Variants in AGBL1 observed in about 807,000 individuals in gnomAD.
The protein encoded by AGBL1 is cytosolic carboxypeptidase 4.
AGBL1 carries 130 observed loss-of-function variants against 118.9 expected under a neutral mutation model. The ratio of observed to expected loss-of-function variants is 1.09; its 90% CI spans 0.95 to 1.26. The LOEUF (loss-of-function observed/expected upper bound fraction) is 1.26. Ranked by LOEUF, AGBL1 falls within the 50% of genes most tolerant of loss-of-function variation. AGBL1 has a pLI of 0.00. For synonymous variants in AGBL1, 555 were observed against 478.9 expected, an observed-to-expected ratio of 1.16 and a Z score of -2.08; for missense variants, 1,584 against 1,298.1, an observed-to-expected ratio of 1.22 and a Z score of -3.38.
At position 86,488,751 on chromosome 15, in the gene AGBL1, G is replaced by A. The variant is rs866463102; in HGVS notation, c.2556-34059G>A. 2.0e-5 allele frequency among the ~76,000 whole-genome samples: 3 copies of A among 151,672 alleles called. No homozygotes were observed. In the East Asian group the frequency reaches 5.9e-4, roughly 30 times the overall value. ...CTACAACTCATCGCCCCTCTCTACC[G>A]GGCCCTTTCCAATGATGGGGAAATG... On this transcript the variant is annotated intron_variant, in intron 18 of 22. Transcript: ENST00000614907.
At chr15:86,599,327 T>C (rs2084458727) in intron 21 of AGBL1, among the ~76,000 whole-genome samples, 2 of 143,766 alleles carry the variant, frequency 1.4e-5, no homozygotes, top group South Asian at 4.5e-4. Context: ...TAACTGAAGA[T>C]GTTTCCATTT....
intron 21 of AGBL1, among the ~76,000 whole-genome samples, chr15:86,626,166 C>T (rs1432739229): frequency 6.6e-6 from 1 of 152,100 alleles, no homozygotes; most frequent in African/African-American, 2.4e-5. Flanking sequence ...AGTATATACC[C>T]AAAGGAATAT....
intron 24 of AGBL1, among the ~76,000 whole-genome samples, chr15:87,026,742 C>T (rs1423841748): frequency 1.3e-5 from 2 of 152,022 alleles, no homozygotes; most frequent in Non-Finnish European, 2.9e-5. Context: ...AACTCAAATG[C>T]CCATCAATTG....
chr15:86,922,821 C>T (rs979144143), intron 23 of AGBL1, among the ~76,000 whole-genome samples: 3 of 152,008 alleles, frequency 2.0e-5, no homozygotes, highest in African/African-American at 7.3e-5. Flanking sequence ...GAGCAGTTAC[C>T]AATGAGAAGA....
At chr15:86,669,816 T>G (rs1028827285) in intron 21 of AGBL1, among the ~76,000 whole-genome samples, 2 of 152,202 alleles carry the variant, frequency 1.3e-5, no homozygotes, top group African/African-American at 4.8e-5. Flanking sequence ...TGGCAAACTA[T>G]GGCAATAAAG....
intron 22 of AGBL1, among the ~76,000 whole-genome samples, chr15:86,784,594 C>G (rs972581219): frequency 3.3e-5 from 5 of 152,150 alleles, no homozygotes; most frequent in Non-Finnish European, 4.4e-5. Context: ...AACTGCTGTA[C>G]TGGGCTTTGA....
chr15:86,596,596 T>C (rs1337750760), intron 21 of AGBL1, among the ~76,000 whole-genome samples: 1 of 152,126 alleles, frequency 6.6e-6, no homozygotes, highest in Non-Finnish European at 1.5e-5. Context: ...TCTCTCTCTT[T>C]TTTTTTCCCC....
chr15:86,297,236 C>A (rs1018976176), intron 17 of AGBL1, among the ~76,000 whole-genome samples: 1 of 152,070 alleles, frequency 6.6e-6, no homozygotes, highest in African/African-American at 2.4e-5. Flanking sequence ...GCTAACATAT[C>A]CGATGTTCAT....
intron 22 of AGBL1, among the ~76,000 whole-genome samples, chr15:86,723,169 A>T (rs1449234354): frequency 6.6e-6 from 1 of 152,244 alleles, no homozygotes; most frequent in Non-Finnish European, 1.5e-5. Flanking sequence ...TGTCCAAAGG[A>T]TTATAAATCA....
At chr15:86,378,898 T>C (rs2081074192) in intron 17 of AGBL1, among the ~76,000 whole-genome samples, 2 of 144,500 alleles carry the variant, frequency 1.4e-5, no homozygotes, top group Admixed American at 6.9e-5. Flanking sequence ...TTGATCACTT[T>C]AGTTTTTTTT....
chr15:86,901,947 A>G (rs1269709222), intron 22 of AGBL1, among the ~76,000 whole-genome samples: 1 of 152,162 alleles, frequency 6.6e-6, no homozygotes, highest in Admixed American at 6.5e-5. Flanking sequence ...TAATAATAAT[A>G]CATTTATTCT....
intron 21 of AGBL1, among the ~76,000 whole-genome samples, chr15:86,604,120 T>G (rs929343867): frequency 4.6e-5 from 7 of 152,132 alleles, no homozygotes; most frequent in Admixed American, 2.0e-4. Flanking sequence ...TCTAACAAAC[T>G]CATCGGGGCC....
intron 18 of AGBL1, among the ~76,000 whole-genome samples, chr15:86,458,825 T>C (rs2082294153): frequency 1.3e-5 from 2 of 152,152 alleles, no homozygotes; most frequent in South Asian, 2.1e-4. Context: ...AGTTAAGTGC[T>C]ATGAAGAAAA....
chr15:86,313,815 T>A (rs2141828670), intron 17 of AGBL1, among the ~76,000 whole-genome samples: 1 of 152,296 alleles, frequency 6.6e-6, no homozygotes, highest in Admixed American at 6.5e-5. Flanking sequence ...CTGATGGGGT[T>A]TTTAATGAAC....
At chr15:86,841,880 T>A (rs1379533648) in intron 22 of AGBL1, among the ~76,000 whole-genome samples, 1 of 151,964 alleles carries the variant, frequency 6.6e-6, no homozygotes, top group Non-Finnish European at 1.5e-5. Context: ...GTCAGACAAA[T>A]CAGATTTAAA....
At chr15:86,976,455 G>C (rs947669583) in intron 23 of AGBL1, among the ~76,000 whole-genome samples, 1 of 151,728 alleles carries the variant, frequency 6.6e-6, no homozygotes, top group Non-Finnish European at 1.5e-5. Flanking sequence ...TTTAACTAAA[G>C]CTTATTGTTG....
chr15:86,599,680 T>C (rs2084464986), intron 21 of AGBL1, among the ~76,000 whole-genome samples: 1 of 152,102 alleles, frequency 6.6e-6, no homozygotes, highest in Non-Finnish European at 1.5e-5. Flanking sequence ...ATTCCTATCC[T>C]TGCCAGTAAT....
chr15:86,983,099 G>A (rs1402473574), intron 23 of AGBL1, among the ~76,000 whole-genome samples: 1 of 151,816 alleles, frequency 6.6e-6, no homozygotes, highest in Non-Finnish European at 1.5e-5. Flanking sequence ...GTGATAATTG[G>A]TGTCTTATTA....
At chr15:86,792,551 G>A (rs1363099892) in intron 22 of AGBL1, among the ~76,000 whole-genome samples, 1 of 152,080 alleles carries the variant, frequency 6.6e-6, no homozygotes, top group South Asian at 2.1e-4. Context: ...GAAATTTGTT[G>A]GAGAGAATAA....
Sources: allele counts gnomAD v4.1 joint callset (sites outside exome capture counted in the v4.1 genomes callset), GRCh38; gene constraint gnomAD v4.1.1; transcripts MANE v1.5; gene names NCBI Gene and HGNC (gene_info 2026-07-23, HGNC 2026-07-21).